The following INPP5A variants were observed in gnomAD, a reference collection of about 807,000 sequenced individuals.
INPP5A encodes the protein inositol polyphosphate-5-phosphatase A.
A neutral mutation model predicts 65.2 loss-of-function variants in INPP5A; 14 were observed. The ratio of observed to expected loss-of-function variants is 0.21; its 90% CI spans 0.14 to 0.34. INPP5A has a LOEUF of 0.34. Among genes scored for constraint, INPP5A ranks in the 10% least tolerant of loss-of-function variants. The pLI is 1.00. For missense variants in INPP5A, 431 were observed against 545.6 expected (o/e 0.79, Z 2.09); for synonymous variants, 207 against 208.3 (o/e 0.99, Z 0.05).
At chr10:132,718,526 A>C (rs1391701504) in intron 8 of INPP5A, among the ~76,000 whole-genome samples, 1 of 132,566 alleles carries the variant, frequency 7.5e-6, no homozygotes, top group Non-Finnish European at 1.6e-5. Context: ...GTTCTGTGGT[A>C]CCTGGGTTCT....
At chr10:132,640,283 C>T (rs533855098) in intron 2 of INPP5A, among the ~76,000 whole-genome samples, 5 of 152,370 alleles carry the variant, frequency 3.3e-5, no homozygotes, top group African/African-American at 7.2e-5. Flanking sequence ...AGCCTCTGCT[C>T]GCTCACGTGG....
At chr10:132,561,174 C>CA (rs1285058453) in intron 1 of INPP5A, among the ~76,000 whole-genome samples, 2 of 151,656 alleles carry the variant, frequency 1.3e-5, no homozygotes, top group African/African-American at 4.8e-5. Flanking sequence ...GTGATCCTCC[C>CA]ACCCCAGCCT....
chr10:132,752,447 C>A (rs1437822047), intron 11 of INPP5A, among the ~76,000 whole-genome samples: 1 of 52,120 alleles, frequency 1.9e-5, no homozygotes, highest in Non-Finnish European at 3.8e-5. Flanking sequence ...GTGGAGGGGG[C>A]TGTGGCGTGG....
At chr10:132,597,021 GTGCATGTGTGCATGTGTATGCA>G in intron 1 of INPP5A, among the ~76,000 whole-genome samples, 1 of 149,964 alleles carries the variant, frequency 6.7e-6, no homozygotes, top group African/African-American at 2.5e-5. Flanking sequence ...CTGTACGTGT[GTGCATGTGTGCATGTGTATGCA>G]TGCATGTGTG....
intron 9 of INPP5A, among the ~76,000 whole-genome samples, chr10:132,734,598 C>G (rs1481708310): frequency 6.6e-6 from 1 of 152,194 alleles, no homozygotes; most frequent in Non-Finnish European, 1.5e-5. Context: ...ATTGGTCCAG[C>G]AAGTGTGTCC....
At chr10:132,737,073 G>A (rs1464263277) in intron 9 of INPP5A, among the ~76,000 whole-genome samples, 3 of 152,252 alleles carry the variant, frequency 2.0e-5, no homozygotes, top group African/African-American at 7.2e-5. Flanking sequence ...GGGCAGGCCT[G>A]AGCTCCTAAA....
rs1440787499 is a variant in INPP5A at position 132,546,746 on chromosome 10, G to A, written c.75+8575G>A. On this transcript the variant is annotated intron_variant, in intron 1 of 15. Transcript: ENST00000368594. The surrounding 1 kb of genome is among the most constrained non-coding windows in gnomAD (Gnocchi z 5.7). Reference sequence around the variant, plus strand: ...GCACTGCATACCCCGGGCCCCCTGGGCTCTGGCCTGTCCCCTTGTCCCCAC... The same window carrying A: ...GCACTGCATACCCCGGGCCCCCTGGACTCTGGCCTGTCCCCTTGTCCCCAC... Among the ~76,000 whole-genome samples the A allele has an allele frequency of 6.6e-6, 1 of 152,130 alleles. No homozygotes were observed. The highest frequency in any genetic ancestry group is 2.4e-5 in the African/African-American group (1 of 41,414).
intron 1 of INPP5A, among the ~76,000 whole-genome samples, chr10:132,577,544 G>A (rs1010452096): frequency 4.2e-4 from 64 of 152,242 alleles, no homozygotes; most frequent in African/African-American, 1.4e-3. Flanking sequence ...CCCCTGTTTT[G>A]GTGGCCATCA....
rs1465706512 is a variant in INPP5A at position 132,741,615 on chromosome 10, C to G, written c.733-7902C>G. On this transcript the variant is annotated intron_variant, in intron 9 of 15. Transcript: ENST00000368594. The surrounding 1 kb of genome is among the most constrained non-coding windows in gnomAD (Gnocchi z 4.4). ...CTGTCCACTCTGCAGAACCCCGGCCCTCGTCACACCCAGAACAGGATACCC... is the reference window on the plus strand; with the variant it reads ...CTGTCCACTCTGCAGAACCCCGGCCGTCGTCACACCCAGAACAGGATACCC... Among the ~76,000 whole-genome samples, 1 of 152,200 alleles carries G rather than the reference C, an allele frequency of 6.6e-6. No individual in the cohort carries two copies.
chr10:132,747,612 C>T (rs1002171362), intron 9 of INPP5A, among the ~76,000 whole-genome samples: 2 of 152,274 alleles, frequency 1.3e-5, no homozygotes, highest in African/African-American at 2.4e-5. Context: ...CTCCGAGCCC[C>T]GGCCAGCGCC....
At chr10:132,691,433 G>T (rs1222429585) in intron 5 of INPP5A, among the ~76,000 whole-genome samples, 1 of 152,246 alleles carries the variant, frequency 6.6e-6, no homozygotes, top group Non-Finnish European at 1.5e-5. Context: ...CAGGCACGGA[G>T]CGGCCGGCGA....
rs890255186 is a variant in INPP5A, at chr10:132,766,352, C to T, written c.977+506C>T. On this transcript the variant is annotated intron_variant, in intron 12 of 15. Coordinates refer to ENST00000368594, the MANE Select transcript of INPP5A (RefSeq NM_005539.5). ...GCAAAATACTTTCTTATCAGACTTG[C>T]TCACGAGGGACCTACGGGGACTGTG... Among the ~76,000 whole-genome samples, 4 of 152,354 alleles carry T rather than the reference C, an allele frequency of 2.6e-5. No individual in the cohort carries two copies. The East Asian group carries it at 7.7e-4, about 29-fold the overall frequency.
In INPP5A at chr10:132,610,764, C is replaced by T. The variant is rs536331004; in HGVS notation, c.117+2808C>T. 1.1e-4 allele frequency among the ~76,000 whole-genome samples: 17 copies of T among 152,362 alleles called. No homozygotes were observed. In the East Asian group the frequency reaches 3.1e-3, roughly 28 times the overall value. On this transcript the variant is annotated intron_variant, in intron 2 of 15. Transcript: ENST00000368594. ...CTGCTCCTCACCATCCAGACAGCTG[C>T]ATCTGCTGCAGGGTTTGGAGCTGGT...
intron 4 of INPP5A, among the ~76,000 whole-genome samples, chr10:132,655,309 C>G (rs1179011312): frequency 1.3e-5 from 2 of 152,196 alleles, no homozygotes; most frequent in South Asian, 4.1e-4. Context: ...TCAGAGCTAG[C>G]CCCGCCGTGG....
chr10:132,581,717 AT>A (rs578195499), intron 1 of INPP5A, among the ~76,000 whole-genome samples: 12 of 151,522 alleles, frequency 7.9e-5, no homozygotes, highest in Admixed American at 4.6e-4. Flanking sequence ...TCTTTTGCCC[AT>A]TTTTTTTGAG....
intron 1 of INPP5A, among the ~76,000 whole-genome samples, chr10:132,541,457 C>T (rs1430961149): frequency 6.6e-6 from 1 of 152,188 alleles, no homozygotes; most frequent in African/African-American, 2.4e-5. Context: ...TTGTGTCTGA[C>T]CCTGTGCAGA....
intron 1 of INPP5A, among the ~76,000 whole-genome samples, chr10:132,539,413 G>A (rs976341768): frequency 6.6e-6 from 1 of 152,222 alleles, no homozygotes; most frequent in Non-Finnish European, 1.5e-5. Context: ...GCCAGAAAGG[G>A]GATGCTGACT....
intron 1 of INPP5A, among the ~76,000 whole-genome samples, chr10:132,561,584 C>G (rs1445567179): frequency 6.6e-6 from 1 of 152,074 alleles, no homozygotes; most frequent in East Asian, 1.9e-4. Context: ...TACCACAGAC[C>G]TGATCATTGT....
At position 132,650,517 on chromosome 10, in the gene INPP5A, C is replaced by T; in HGVS notation, c.306+12C>T. ...AGGAGCACTTCACGGTGAGTCCCTC[C>T]CGCTGCCTGGTGCAGGGGTCAGACA... On this transcript the variant is annotated intron_variant, in intron 4 of 15. Transcript: ENST00000368594. The surrounding 1 kb of genome is among the most constrained non-coding windows in gnomAD (Gnocchi z 5.5). 6.3e-7 allele frequency: 1 copy of T among 1,592,282 alleles called. No individual in the cohort carries two copies. Among genetic ancestry groups the T allele is most frequent in the South Asian group, 1.1e-5 (1 of 90,592 alleles).
Sources: allele counts gnomAD v4.1 joint callset (sites outside exome capture counted in the v4.1 genomes callset), GRCh38; gene constraint gnomAD v4.1.1; non-coding constraint Gnocchi (gnomAD v3.1); transcripts MANE v1.5; gene names NCBI Gene and HGNC (gene_info 2026-07-23, HGNC 2026-07-21).